The following CCR3 variants were observed in gnomAD, a reference collection of about 807,000 sequenced individuals.
CCR3 encodes C-C chemokine receptor type 3.
For missense variants in CCR3, 419 were observed against 437.5 expected, an observed-to-expected ratio of 0.96 and a Z score of 0.38; for synonymous variants, 203 against 179.2, an observed-to-expected ratio of 1.13 and a Z score of -1.06.
At chr3:46,236,724 C>T (rs1575493334) in intron 2 of CCR3, among the ~76,000 whole-genome samples, 1 of 152,320 alleles carries the variant, frequency 6.6e-6, no homozygotes, top group African/African-American at 2.4e-5. Flanking sequence ...AGAGGCAGCA[C>T]ATAGTGGGAC....
rs1384518303 is a variant in CCR3 at position 46,265,892 on chromosome 3, T to C, written c.734T>C (p.Met245Thr). The C allele has an allele frequency of 3.7e-6, 6 of 1,614,052 alleles. No homozygotes were observed. The highest frequency in any genetic ancestry group is 2.2e-5 in the East Asian group (1 of 44,890). Reference protein sequence around the residue: ...YKAIRLIFVIMAVFFIFWTPY... With the variant: ...YKAIRLIFVITAVFFIFWTPY... ...GCCATCCGGCTCATTTTTGTCATCA[T>C]GGCGGTGTTTTTCATTTTCTGGACA... The change falls in exon 2 of 2, where the codon ATG becomes ACG. Residue 245 changes from methionine to threonine, a missense_variant. By Grantham distance (81) the Met-to-Thr change is moderately conservative. Transcript: ENST00000395940.
intron 2 of CCR3, among the ~76,000 whole-genome samples, chr3:46,222,971 A>G (rs1331129393): frequency 6.6e-6 from 1 of 152,222 alleles, no homozygotes; most frequent in African/African-American, 2.4e-5. Flanking sequence ...AAAAAGGGGA[A>G]GGAGAAAGTA....
At chr3:46,258,512 A>G (rs1235176838) in intron 1 of CCR3, among the ~76,000 whole-genome samples, 1 of 152,176 alleles carries the variant, frequency 6.6e-6, no homozygotes, top group East Asian at 1.9e-4. Flanking sequence ...GGACATATCT[A>G]AACTGTGGCC....
intron 1 of CCR3, among the ~76,000 whole-genome samples, chr3:46,242,963 G>GTATATATATATGTATACACATATA (rs1553644052): frequency 1.2e-3 from 103 of 86,288 alleles, no homozygotes; most frequent in African/African-American, 4.7e-3. Context: ...ATATATATGT[G>GTATATATATATGTATACACATATA]TATATATATA....
rs560204088 is a variant in CCR3, at chr3:46,261,752, G to A, written c.-11-3396G>A. 3.9e-5 allele frequency among the ~76,000 whole-genome samples: 6 copies of A among 152,284 alleles called. No individual in the cohort carries two copies. In the East Asian group the frequency reaches 7.7e-4, roughly 20 times the overall value. On this transcript the variant is annotated intron_variant, in intron 1 of 1. Coordinates refer to ENST00000395940, the MANE Select transcript of CCR3 (RefSeq NM_178329.3). The stretch of plus-strand genomic sequence containing the variant: ...TAGTTTGTACTCTTGAGAGTTCCTC[G>A]GTTTGTTCATGGCATGGGCAGGGAG...
At chr3:46,261,314 C>T (rs1474509430) in intron 1 of CCR3, among the ~76,000 whole-genome samples, 1 of 152,070 alleles carries the variant, frequency 6.6e-6, no homozygotes, top group Non-Finnish European at 1.5e-5. Flanking sequence ...CTATATAAAT[C>T]ATCTAATAAA....
chr3:46,211,403 T>G (rs1699712846), intron 2 of CCR3, among the ~76,000 whole-genome samples: 1 of 147,072 alleles, frequency 6.8e-6, no homozygotes, highest in Admixed American at 6.7e-5. Flanking sequence ...ATATATTTTT[T>G]GTAGAAATGG....
At chr3:46,262,713 G>A (rs1037639718) in intron 1 of CCR3, among the ~76,000 whole-genome samples, 29 of 151,686 alleles carry the variant, frequency 1.9e-4, no homozygotes, top group African/African-American at 5.1e-4. Context: ...GGAGTGCAGC[G>A]GCGTGATCAC....
intron 2 of CCR3, among the ~76,000 whole-genome samples, chr3:46,214,491 G>C (rs1699751643): frequency 6.6e-6 from 1 of 152,068 alleles, no homozygotes; most frequent in Non-Finnish European, 1.5e-5. Context: ...TAATTTAGCA[G>C]CTTCATCTGG....
intron 2 of CCR3, among the ~76,000 whole-genome samples, chr3:46,234,626 A>T (rs950843374): frequency 1.4e-5 from 2 of 144,998 alleles, no homozygotes; most frequent in Admixed American, 1.4e-4. Flanking sequence ...CACCCCACAA[A>T]ATACCCCCTG....
At chr3:46,252,169 C>CAT (rs1353526008) in intron 1 of CCR3, among the ~76,000 whole-genome samples, 1 of 86,846 alleles carries the variant, frequency 1.2e-5, no homozygotes, top group Non-Finnish European at 2.2e-5. Context: ...TAGTTTCTGT[C>CAT]TTTTTTTTTT....
rs1440848842 is a variant in CCR3, at chr3:46,228,612, G to GA, written c.-67-13784dup. Among the ~76,000 whole-genome samples, 40 of 152,138 alleles carry GA rather than the reference G, an allele frequency of 2.6e-4. 1 individual carries two copies. The highest frequency in any genetic ancestry group is 9.7e-4 in the African/African-American group (40 of 41,436). On this transcript the variant is annotated intron_variant, in intron 2 of 3. Transcript: ENST00000357422. ...GTGATATTCAAGGCTCTCATGGAAG[G>GA]AAAAAATAAAACAAACTACAATTGG... is the stretch of plus-strand genomic sequence containing the variant.
rs367876385 is a variant in CCR3, at chr3:46,265,873, C to A, written c.715C>A (p.Arg239=). 5.6e-6 allele frequency: 9 copies of A among 1,614,080 alleles called. No individual in the cohort carries two copies. Among genetic ancestry groups the A allele is most frequent in the East Asian group, 2.2e-5 (1 of 44,870 alleles). The part of the protein sequence containing the change: ...CPSKKKYKAI[R]LIFVIMAVFF... ...CAGTAAAAAAAAGTACAAGGCCATCCGGCTCATTTTTGTCATCATGGCGGT... is the reference window on the plus strand; with the variant it reads ...CAGTAAAAAAAAGTACAAGGCCATCAGGCTCATTTTTGTCATCATGGCGGT... Residue 239 remains arginine (R), a synonymous_variant, in exon 2 of 2, where the codon CGG becomes AGG. Transcript: ENST00000395940.
intron 2 of CCR3, among the ~76,000 whole-genome samples, chr3:46,233,132 A>G (rs1471238341): frequency 2.6e-5 from 4 of 152,222 alleles, no homozygotes; most frequent in African/African-American, 4.8e-5. Flanking sequence ...CACCCGGCCC[A>G]TAGTCCTTTT....
chr3:46,214,217 C>T (rs958164618), intron 2 of CCR3, among the ~76,000 whole-genome samples: 12 of 152,174 alleles, frequency 7.9e-5, no homozygotes, highest in Admixed American at 4.6e-4. Context: ...TTTCCTATTT[C>T]GCTGAGAAAA....
intron 2 of CCR3, among the ~76,000 whole-genome samples, chr3:46,228,848 A>G (rs536426228): frequency 6.6e-6 from 1 of 152,352 alleles, no homozygotes; most frequent in East Asian, 1.9e-4. Context: ...TGCTCATCAG[A>G]TGATAGTTAT....
At chr3:46,232,826 G>A (rs1045389302) in intron 2 of CCR3, among the ~76,000 whole-genome samples, 4 of 152,082 alleles carry the variant, frequency 2.6e-5, no homozygotes, top group Admixed American at 2.0e-4. Flanking sequence ...ATCTATCAGG[G>A]GAATAATCCT....
intron 1 of CCR3, among the ~76,000 whole-genome samples, chr3:46,247,054 G>A (rs527944189): frequency 4.6e-5 from 7 of 152,106 alleles, no homozygotes; most frequent in Non-Finnish European, 8.8e-5. Flanking sequence ...TCTAAGAATC[G>A]GGAGGACCTA....
intron 1 of CCR3, among the ~76,000 whole-genome samples, chr3:46,259,591 C>T (rs1473704512): frequency 6.6e-6 from 1 of 152,094 alleles, no homozygotes; most frequent in Non-Finnish European, 1.5e-5. Flanking sequence ...GGCAGTTCTT[C>T]CCATGCAATG....
Sources: gnomAD v4.1 joint callset for allele counts (sites outside exome capture counted in the v4.1 genomes callset) on GRCh38, gnomAD v4.1.1 for gene constraint, MANE v1.5 for transcripts, NCBI Gene and HGNC (gene_info 2026-07-23, HGNC 2026-07-21) for gene names.